MSRB3: variants seen among roughly 807,000 people sequenced by gnomAD.
MSRB3 encodes methionine-R-sulfoxide reductase B3.
MSRB3 carries 13 observed loss-of-function variants against 21.0 expected under a neutral mutation model. The observed-to-expected ratio is 0.62, with a 90% CI of 0.40 to 0.98. The LOEUF (loss-of-function observed/expected upper bound fraction) is 0.98. MSRB3 is among the 50% of genes least tolerant of loss of function. MSRB3 has a pLI of 0.00. For synonymous variants in MSRB3, 87 were observed against 88.6 expected (o/e 0.98, Z 0.10); for missense variants, 199 against 230.3 (o/e 0.86, Z 0.88).
chr12:65,421,956 A>C (rs1385192167), intron 5 of MSRB3, among the ~76,000 whole-genome samples: 1 of 152,148 alleles, frequency 6.6e-6, no homozygotes, highest in Non-Finnish European at 1.5e-5. Context: ...AAGAAACAAG[A>C]CTCAATGGTA....
chr12:65,387,756 C>G (rs1049554010), intron 5 of MSRB3, among the ~76,000 whole-genome samples: 6 of 152,138 alleles, frequency 3.9e-5, no homozygotes, highest in African/African-American at 1.2e-4. Flanking sequence ...AGAGTGAAAT[C>G]ACTTAGCAAA....
At chr12:65,431,519 A>G (rs1282925093) in intron 5 of MSRB3, among the ~76,000 whole-genome samples, 1 of 152,098 alleles carries the variant, frequency 6.6e-6, no homozygotes, top group Non-Finnish European at 1.5e-5. Context: ...AAAAGGGGAT[A>G]GAATTACAAA....
intron 5 of MSRB3, among the ~76,000 whole-genome samples, chr12:65,450,425 T>C (rs1882806128): frequency 6.6e-6 from 1 of 152,166 alleles, no homozygotes; most frequent in South Asian, 2.1e-4. Context: ...TCCTTGATAA[T>C]AATAGGCTAA....
At chr12:65,353,595 C>T (rs1330625192) in intron 4 of MSRB3, among the ~76,000 whole-genome samples, 3 of 152,070 alleles carry the variant, frequency 2.0e-5, no homozygotes, top group Non-Finnish European at 2.9e-5. Flanking sequence ...TTCCTCCATC[C>T]CTTTATTTTG....
chr12:65,317,416 A>G (rs191125596), intron 2 of MSRB3, among the ~76,000 whole-genome samples: 1 of 152,304 alleles, frequency 6.6e-6, no homozygotes. Context: ...GGGGTATCAA[A>G]TGACCACATA....
chr12:65,387,060 G>A (rs1053254769), intron 5 of MSRB3, among the ~76,000 whole-genome samples: 12 of 151,998 alleles, frequency 7.9e-5, no homozygotes, highest in African/African-American at 2.9e-4. Context: ...AGAGCTAATG[G>A]GTGACAGGAT....
chr12:65,439,730 T>C (rs534660306), intron 5 of MSRB3, among the ~76,000 whole-genome samples: 1 of 151,120 alleles, frequency 6.6e-6, no homozygotes, highest in Non-Finnish European at 1.5e-5. Flanking sequence ...AAAAGAACAA[T>C]AAAAATGCTA....
intron 2 of MSRB3, among the ~76,000 whole-genome samples, chr12:65,316,666 A>G (rs993976251): frequency 2.6e-5 from 4 of 152,186 alleles, no homozygotes; most frequent in African/African-American, 9.6e-5. Flanking sequence ...AGGGATCTAC[A>G]TTCTGGTGAG....
At chr12:65,294,139 T>A (rs1872816019) in intron 1 of MSRB3, among the ~76,000 whole-genome samples, 1 of 152,196 alleles carries the variant, frequency 6.6e-6, no homozygotes, top group African/African-American at 2.4e-5. Context: ...GCTTCCCAAA[T>A]CCTTTGAAAT....
intron 4 of MSRB3, among the ~76,000 whole-genome samples, chr12:65,359,555 A>G (rs947020181): frequency 1.1e-4 from 16 of 152,150 alleles, no homozygotes; most frequent in African/African-American, 3.9e-4. Context: ...GACAAGACCA[A>G]GAAACAAATG....
rs1370619114 is a variant in MSRB3, at chr12:65,365,411, G to T, written c.264-3587G>T. 2.0e-5 allele frequency among the ~76,000 whole-genome samples: 3 copies of T among 152,176 alleles called. No homozygotes were observed. The East Asian group carries it at 5.8e-4, about 29-fold the overall frequency. On this transcript the variant is annotated intron_variant, in intron 4 of 6. Coordinates refer to ENST00000308259, the MANE Select transcript of MSRB3 (RefSeq NM_001031679.3). The stretch of plus-strand genomic sequence containing the variant: ...GACATGATTCACGTGAGCCTTGATT[G>T]TTGAGAAATAATATGGCAATAGTTC...
At position 65,428,802 on chromosome 12, in the gene MSRB3, C is replaced by T. The variant is rs539599176; in HGVS notation, c.293-24926C>T. ...CTTTAGCAATTGGTATTTTAGAAAA[C>T]GCTAAACTAATTCCCCAGAATGCAT... is the stretch of plus-strand genomic sequence containing the variant. On this transcript the variant is annotated intron_variant, in intron 5 of 6. Transcript: ENST00000308259. 1.9e-4 allele frequency among the ~76,000 whole-genome samples: 29 copies of T among 152,236 alleles called. No individual in the cohort carries two copies. In the South Asian group the frequency reaches 3.3e-3, roughly 17 times the overall value.
chr12:65,279,573 G>C (rs1871887090), intron 1 of MSRB3: 1 of 152,222 alleles, frequency 6.6e-6, no homozygotes, highest in African/African-American at 2.4e-5. Context: ...TATTTTTGAA[G>C]TTTTACACTG....
At chr12:65,435,523 C>A (rs368178357) in intron 5 of MSRB3, among the ~76,000 whole-genome samples, 203 of 151,942 alleles carry the variant, frequency 1.3e-3, no homozygotes, top group African/African-American at 4.7e-3. Context: ...GAGCTATAGT[C>A]TGAGCAATAT....
chr12:65,445,539 G>T (rs1315128474), intron 5 of MSRB3, among the ~76,000 whole-genome samples: 1 of 150,934 alleles, frequency 6.6e-6, no homozygotes, highest in African/African-American at 2.4e-5. Context: ...ATAGTATATT[G>T]TATTTAAATT....
At chr12:65,442,718 T>G (rs1882438930) in intron 5 of MSRB3, among the ~76,000 whole-genome samples, 1 of 152,076 alleles carries the variant, frequency 6.6e-6, no homozygotes, top group African/African-American at 2.4e-5. Flanking sequence ...TGTTTTTGGA[T>G]CAAGGTTACT....
chr12:65,366,082 C>T (rs1265842543), intron 4 of MSRB3, among the ~76,000 whole-genome samples: 1 of 152,174 alleles, frequency 6.6e-6, no homozygotes, highest in Non-Finnish European at 1.5e-5. Flanking sequence ...CATGACAATC[C>T]AGTCCAAGGG....
At position 65,383,812 on chromosome 12, in the gene MSRB3, C is replaced by T. The variant is rs145760001; in HGVS notation, c.292+14786C>T. On this transcript the variant is annotated intron_variant, in intron 5 of 6. Transcript: ENST00000308259. ...GTAGCTGGGATTATAGGCATGTGCC[C>T]CCACACCCGACTAATTTTTGTATTT... Among the ~76,000 whole-genome samples, 90 of 151,988 alleles carry T rather than the reference C, an allele frequency of 5.9e-4. 1 individual carries two copies. The East Asian group carries it at 0.015, about 26-fold the overall frequency.
intron 5 of MSRB3, among the ~76,000 whole-genome samples, chr12:65,377,641 A>T (rs1041179846): frequency 2.0e-5 from 3 of 152,206 alleles, no homozygotes; most frequent in Non-Finnish European, 1.5e-5. Context: ...CTCAATAAAT[A>T]AAAGTTCCAT....
Sources: gnomAD v4.1 joint callset for allele counts (sites outside exome capture counted in the v4.1 genomes callset) on GRCh38, gnomAD v4.1.1 for gene constraint, MANE v1.5 for transcripts, NCBI Gene and HGNC (gene_info 2026-07-23, HGNC 2026-07-21) for gene names.